Variants in NFIX observed in about 807,000 individuals in gnomAD.
The protein encoded by NFIX is nuclear factor 1 X-type.
In NFIX, 2 loss-of-function variants were observed where a neutral mutation model predicts 53.3. The ratio of observed to expected loss-of-function variants is 0.04; its 90% confidence interval spans 0.02 to 0.12. The LOEUF (loss-of-function observed/expected upper bound fraction) is 0.12, where lower values mean the gene tolerates loss of function less well. Among genes scored for constraint, NFIX ranks in the 10% least tolerant of loss-of-function variants. The probability of loss-of-function intolerance (pLI) is 1.00; values close to 1 mark genes in which losing one functional copy is unlikely to be tolerated. For synonymous variants in NFIX, 244 were observed against 289.0 expected, an observed-to-expected ratio of 0.84 and a Z score of 1.58; for missense variants, 310 against 674.5, an observed-to-expected ratio of 0.46 and a Z score of 5.99.
rs541283198 is a variant in NFIX, at chr19:13,002,910, C to T, written c.27+7046C>T. Among the ~76,000 whole-genome samples the T allele has an allele frequency of 6.6e-6, 1 of 152,104 alleles. No individual in the cohort carries two copies. Among genetic ancestry groups the T allele is most frequent in the East Asian group, 1.9e-4 (1 of 5,174 alleles). On this transcript the variant is annotated intron_variant, in intron 1 of 10. Coordinates refer to ENST00000592199, the MANE Select transcript of NFIX (RefSeq NM_001365902.3). The surrounding 1 kb of genome is among the most constrained non-coding windows in gnomAD (Gnocchi z 6.1). ...CAGTGCCAGCCTTCCTGGCACAGAT[C>T]GGGCAAGAGCGGGGATCTGTCTGTC...
intron 2 of NFIX, among the ~76,000 whole-genome samples, chr19:13,038,349 A>G (rs1311274888): frequency 2.6e-5 from 4 of 152,118 alleles, no homozygotes; most frequent in African/African-American, 7.2e-5. Context: ...ACCTCTTCCC[A>G]TATAGACCTG....
At chr19:13,000,381 C>T (rs904720700) in intron 1 of NFIX, among the ~76,000 whole-genome samples, 2 of 151,992 alleles carry the variant, frequency 1.3e-5, no homozygotes, top group East Asian at 1.9e-4. Flanking sequence ...AAGACAGGAT[C>T]GAGCACCTCC....
Position 13,002,731 on chromosome 19 carries a change from C to T in NFIX, c.27+6867C>T, listed in dbSNP as rs930114147. On this transcript the variant is annotated intron_variant, in intron 1 of 10. Transcript: ENST00000592199. This position sits in a 1 kb window ranked among gnomAD's most constrained non-coding sequence, Gnocchi z 6.1. Reference sequence around the variant, plus strand: ...GAGGGGAGGCGGGTAGCGGGCACTGCGGCGCTCTGCAGCCAATCGGAAGCC... The same window carrying T: ...GAGGGGAGGCGGGTAGCGGGCACTGTGGCGCTCTGCAGCCAATCGGAAGCC... Among the ~76,000 whole-genome samples, 2 of 152,278 alleles carry T rather than the reference C, an allele frequency of 1.3e-5. No individual in the cohort carries two copies. Among genetic ancestry groups the T allele is most frequent in the Non-Finnish European group, 2.9e-5 (2 of 68,000 alleles).
intron 7 of NFIX, among the ~76,000 whole-genome samples, chr19:13,079,808 C>T (rs770085717): frequency 2.0e-5 from 3 of 152,218 alleles, no homozygotes; most frequent in African/African-American, 4.8e-5. Context: ...AGAGCAAGAG[C>T]GAGCTGATTG....
At chr19:13,016,379 C>A (rs1037508488) in intron 1 of NFIX, among the ~76,000 whole-genome samples, 2 of 152,064 alleles carry the variant, frequency 1.3e-5, no homozygotes, top group Non-Finnish European at 2.9e-5. Flanking sequence ...CTGAAAACTG[C>A]CTACAGACAG....
chr19:13,087,683 C>T (rs1401771036), intron 8 of NFIX, among the ~76,000 whole-genome samples: 1 of 148,174 alleles, frequency 6.7e-6, no homozygotes, highest in African/African-American at 2.5e-5. Context: ...TGCTAGGTGG[C>T]ACATTTTGGT....
rs1191343302 is a variant in NFIX, at chr19:13,025,726, C to T, written c.559+174C>T. On this transcript the variant is annotated intron_variant, in intron 2 of 10. Transcript: ENST00000592199. The surrounding 1 kb of genome is among the most constrained non-coding windows in gnomAD (Gnocchi z 7.5). ...GGGCCCTTTTCCTTTTTCCTGTCTT[C>T]TGTCTCCCCCGACCTGTTCTATTCT... Among the ~76,000 whole-genome samples the T allele has an allele frequency of 6.6e-6, 1 of 152,204 alleles. No homozygotes were observed. Among genetic ancestry groups the T allele is most frequent in the Admixed American group, 6.5e-5 (1 of 15,288 alleles).
At chr19:13,064,556 C>T (rs1241557444) in intron 2 of NFIX, among the ~76,000 whole-genome samples, 1 of 152,210 alleles carries the variant, frequency 6.6e-6, no homozygotes, top group African/African-American at 2.4e-5. Flanking sequence ...AGGTGTCTGC[C>T]CAGGCTCTGC....
rs2011491594 is a variant in NFIX at position 12,996,966 on chromosome 19, G to GCCACAGCTGGCAA, written c.27+1103_27+1104insCACAGCTGGCAAC. Among the ~76,000 whole-genome samples, 1 of 152,250 alleles carries GCCACAGCTGGCAA rather than the reference G, an allele frequency of 6.6e-6. No individual in the cohort carries two copies. Among genetic ancestry groups the GCCACAGCTGGCAA allele is most frequent in the Non-Finnish European group, 1.5e-5 (1 of 68,042 alleles). ...CACAGTGGCCCTGACAGCGTTGCCT[G>GCCACAGCTGGCAA]CAGGGCCAAGCCACAGCTGGTAACA... On this transcript the variant is annotated intron_variant, in intron 1 of 10. Transcript: ENST00000592199. The surrounding 1 kb of genome is among the most constrained non-coding windows in gnomAD (Gnocchi z 5.2).
Position 13,001,821 on chromosome 19 carries a change from C to T in NFIX, c.27+5957C>T, listed in dbSNP as rs535626240. Among the ~76,000 whole-genome samples the T allele has an allele frequency of 5.3e-5, 8 of 152,372 alleles. No homozygotes were observed. Among genetic ancestry groups the T allele is most frequent in the Non-Finnish European group, 8.8e-5 (6 of 68,028 alleles). On this transcript the variant is annotated intron_variant, in intron 1 of 10. Coordinates refer to ENST00000592199, the MANE Select transcript of NFIX (RefSeq NM_001365902.3). This position sits in a 1 kb window ranked among gnomAD's most constrained non-coding sequence, Gnocchi z 6.5. ...ATGCCTGCTATGGCGGCCGGGCAAG[C>T]GGCTGGGAGCGGGCTGGCTGCTCAG...
intron 6 of NFIX, among the ~76,000 whole-genome samples, chr19:13,077,832 T>G (rs1465636864): frequency 6.6e-6 from 1 of 152,176 alleles, no homozygotes; most frequent in Non-Finnish European, 1.5e-5. Context: ...TGGGCAGAGA[T>G]GAATTTCTAA....
At position 13,067,247 on chromosome 19, in the gene NFIX, G is replaced by A. The variant is rs2016464292; in HGVS notation, c.560-5800G>A. Reference sequence around the variant, plus strand: ...TTGCAGCTGCCCAGAGGCACCCCCAGAACAGAATGTACCCCCACTTGCTTC... The same window carrying A: ...TTGCAGCTGCCCAGAGGCACCCCCAAAACAGAATGTACCCCCACTTGCTTC... On this transcript the variant is annotated intron_variant, in intron 2 of 10. Coordinates refer to ENST00000592199, the MANE Select transcript of NFIX (RefSeq NM_001365902.3). The surrounding 1 kb of genome is among the most constrained non-coding windows in gnomAD (Gnocchi z 4.2). Among the ~76,000 whole-genome samples the A allele has an allele frequency of 6.6e-6, 1 of 152,100 alleles. No individual in the cohort carries two copies. Among genetic ancestry groups the A allele is most frequent in the African/African-American group, 2.4e-5 (1 of 41,424 alleles).
At chr19:13,074,147 A>C in intron 5 of NFIX, 121 bp downstream of exon 5, 1 of 1,285,762 alleles carries the variant, frequency 7.8e-7, no homozygotes, top group Non-Finnish European at 1.1e-6. Context: ...CACCTCTCTC[A>C]TTGAGGGCAC....
intron 2 of NFIX, among the ~76,000 whole-genome samples, chr19:13,039,227 C>G (rs1359556066): frequency 6.9e-6 from 1 of 144,922 alleles, no homozygotes; most frequent in Non-Finnish European, 1.5e-5. Context: ...AACACCCCCC[C>G]CCACACACAC....
Position 13,068,176 on chromosome 19 carries a change from TCCTCCTGGCTGCTGGAGCTTC to T in NFIX, c.560-4868_560-4848del, listed in dbSNP as rs2016549037. Among the ~76,000 whole-genome samples, 2 of 151,698 alleles carry T rather than the reference TCCTCCTGGCTGCTGGAGCTTC, an allele frequency of 1.3e-5. No homozygotes were observed. Among genetic ancestry groups the T allele is most frequent in the African/African-American group, 4.8e-5 (2 of 41,260 alleles). ...TTGGAGTTTATGTGCAATCCCAGGC[TCCTCCTGGCTGCTGGAGCTTC>T]CCCTCCAGAGCTCTACTGAAGAGGC... On this transcript the variant is annotated intron_variant, in intron 2 of 10. Transcript: ENST00000592199. The surrounding 1 kb of genome is among the most constrained non-coding windows in gnomAD (Gnocchi z 4.2).
chr19:13,044,100 A>G (rs1175846371), intron 2 of NFIX, among the ~76,000 whole-genome samples: 1 of 152,026 alleles, frequency 6.6e-6, no homozygotes, highest in Admixed American at 6.5e-5. Flanking sequence ...ACTCCACCTT[A>G]CCCAGAACCT....
rs2013421058 is a variant in NFIX at position 13,027,039 on chromosome 19, C to T, written c.559+1487C>T. On this transcript the variant is annotated intron_variant, in intron 2 of 10. Coordinates refer to ENST00000592199, the MANE Select transcript of NFIX (RefSeq NM_001365902.3). This position sits in a 1 kb window ranked among gnomAD's most constrained non-coding sequence, Gnocchi z 4.3. ...GGGTTTGGGGGTGCTTTCAGCACTG[C>T]GTCAGGAATGTAATCTAGACTAGAG... 2.0e-5 allele frequency among the ~76,000 whole-genome samples: 3 copies of T among 152,086 alleles called. No homozygotes were observed. The highest frequency in any genetic ancestry group is 4.1e-4 in the South Asian group (2 of 4,822).
intron 5 of NFIX, among the ~76,000 whole-genome samples, chr19:13,075,081 A>AG (rs2017008297): frequency 6.6e-6 from 1 of 150,846 alleles, no homozygotes; most frequent in Non-Finnish European, 1.5e-5. Flanking sequence ...AAAAAAAAAA[A>AG]AAAAAAAAGG....
chr19:13,001,807 G>A lies in NFIX; in HGVS notation c.27+5943G>A, dbSNP rs1368942514. ...GAGCACCATGTGAGATGCCTGCTAT[G>A]GCGGCCGGGCAAGCGGCTGGGAGCG... On this transcript the variant is annotated intron_variant, in intron 1 of 10. Coordinates refer to ENST00000592199, the MANE Select transcript of NFIX (RefSeq NM_001365902.3). This position sits in a 1 kb window ranked among gnomAD's most constrained non-coding sequence, Gnocchi z 6.5. Among the ~76,000 whole-genome samples the A allele has an allele frequency of 6.6e-6, 1 of 152,214 alleles. No individual in the cohort carries two copies. The highest frequency in any genetic ancestry group is 1.5e-5 in the Non-Finnish European group (1 of 68,034).
Sources: gnomAD v4.1 joint callset for allele counts (sites outside exome capture counted in the v4.1 genomes callset) on GRCh38, gnomAD v4.1.1 for gene constraint, Gnocchi (gnomAD v3.1) non-coding constraint, MANE v1.5 for transcripts, NCBI Gene and HGNC (gene_info 2026-07-23, HGNC 2026-07-21) for gene names.